NEB: variants seen among roughly 807,000 people sequenced by gnomAD.
The protein encoded by NEB is nebulin, also known as nemaline myopathy type 2.
NEB carries 512 observed loss-of-function variants against 952.2 expected under a neutral mutation model. The observed-to-expected ratio is 0.54, with a 90% CI of 0.50 to 0.58. The LOEUF (loss-of-function observed/expected upper bound fraction) is 0.58, where lower values mean the gene tolerates loss of function less well. NEB is among the 20% of genes least tolerant of loss of function. The probability of loss-of-function intolerance (pLI) is 0.00; values close to 1 mark genes in which losing one functional copy is unlikely to be tolerated. For synonymous variants in NEB, 2,900 were observed against 3,149.8 expected (o/e 0.92, Z 2.66); for missense variants, 8,428 against 9,231.1 (o/e 0.91, Z 3.56).
intron 46 of NEB, among the ~76,000 whole-genome samples, chr2:151,661,865 A>G (rs1203521166): frequency 2.6e-5 from 4 of 152,204 alleles, no homozygotes; most frequent in Non-Finnish European, 5.9e-5. Flanking sequence ...TTAGACAAAC[A>G]GGACTCATTT....
At chr2:151,549,542 G>A in intron 130 of NEB, 94 bp downstream of exon 130, 1 of 832,238 alleles carries the variant, frequency 1.2e-6, no homozygotes, top group South Asian at 1.5e-5. Context: ...GAACCTTGAG[G>A]GTGAGACTGG....
intron 17 of NEB, 99 bp downstream of exon 17, chr2:151,696,538 G>A: frequency 1.1e-6 from 1 of 888,658 alleles, no homozygotes; most frequent in Non-Finnish European, 1.8e-6. Flanking sequence ...TACTTACTTA[G>A]CCTTTTGAAT....
chr2:151,653,965 C>T, intron 52 of NEB, 27 bp downstream of exon 52: 3 of 1,464,330 alleles, frequency 2.0e-6, no homozygotes, highest in Non-Finnish European at 2.9e-6. Context: ...AAAAATATAG[C>T]CTTATAGAAC....
Position 151,648,956 on chromosome 2 carries a change from A to G in NEB, c.7431+1220T>C, listed in dbSNP as rs574438811. On this transcript the variant is annotated intron_variant, in intron 54 of 181. Transcript: ENST00000397345. ...GGCAGTCCTGAGGCCTGAGAGCTCC[A>G]TGTTTCAGCATTCCCCAAACTAGAG... Among the ~76,000 whole-genome samples, 4 of 152,266 alleles carry G rather than the reference A, an allele frequency of 2.6e-5. No homozygotes were observed. In the East Asian group the frequency reaches 5.8e-4, roughly 22 times the overall value.
intron 155 of NEB, 97 bp from the exon 156 acceptor site, chr2:151,518,519 C>G (rs1575906349): frequency 2.7e-6 from 2 of 750,498 alleles, no homozygotes; most frequent in East Asian, 4.9e-5. Context: ...GCACCATTGT[C>G]AAGATCAAAC....
At position 151,553,984 on chromosome 2, in the gene NEB, G is replaced by A. The variant is rs1214885585; in HGVS notation, c.19470C>T (p.Ile6490=). The change falls in exon 126 of 182, where the codon ATC becomes ATT. Residue 6490 remains isoleucine, a synonymous_variant. Transcript: ENST00000397345. ...RSVYEKNKMK[I]HIVPDMVEMV... is the part of the protein sequence containing the mutation. ...TCTCTACCATGTCGGGCACGATGTGGATTTTCATCTTGTTCTTTTCATAAA... is the reference window on the plus strand; with the variant it reads ...TCTCTACCATGTCGGGCACGATGTGAATTTTCATCTTGTTCTTTTCATAAA... 3 of 1,613,830 alleles carry A rather than the reference G, an allele frequency of 1.9e-6. No homozygotes were observed. Among genetic ancestry groups the A allele is most frequent in the South Asian group, 2.2e-5 (2 of 91,072 alleles).
In NEB at chr2:151,579,420, C is replaced by T. The variant is rs182029307; in HGVS notation, c.16622G>A (p.Arg5541His). 2,035 of 1,530,896 alleles carry T rather than the reference C, an allele frequency of 1.3e-3. 72 individuals are homozygous for T. The African/African-American group carries it at 0.024, about 18-fold the overall frequency. The allele number at this position is 1,530,896 out of a possible 1,614,324, so 94.8% of individuals were successfully genotyped here. Reference protein sequence around the residue: ...GQALASDVDYRHYLHRWSCFP... With the variant: ...GQALASDVDYHHYLHRWSCFP... Reference sequence around the variant, plus strand: ...GCAAGACCAGCGGTGCAGGTAATGGCGATAGTCCACATCACTTGCCAGTGC... The same window carrying T: ...GCAAGACCAGCGGTGCAGGTAATGGTGATAGTCCACATCACTTGCCAGTGC... Residue 5541 changes from arginine to histidine, a missense_variant, in exon 105 of 182, where the codon CGC becomes CAC. Physicochemically the swap from Arg to His is conservative, Grantham distance 29. Coordinates refer to ENST00000397345, the MANE Select transcript of NEB (RefSeq NM_001164508.2).
intron 12 of NEB, 21 bp downstream of exon 12, chr2:151,709,635 A>C: frequency 2.0e-6 from 3 of 1,536,156 alleles, no homozygotes; most frequent in Non-Finnish European, 2.7e-6. Context: ...CATCAAGATA[A>C]ATGGGATGAT....
intron 143 of NEB, among the ~76,000 whole-genome samples, chr2:151,532,428 A>G (rs2091792355): frequency 1.3e-5 from 2 of 152,222 alleles, no homozygotes; most frequent in South Asian, 4.1e-4. Flanking sequence ...ACAGGGATGT[A>G]AAATAAAGAA....
In NEB at chr2:151,664,671, T is replaced by C. The variant is rs1575554208; in HGVS notation, c.5344-63A>G. ...TTGGGGTTAGAATAGAGGTCCTGAC[T>C]ACAAAGTGGTTGGTATGTAGAATGC... On this transcript the variant is annotated intron_variant, in intron 43 of 181. Transcript: ENST00000397345. The C allele has an allele frequency of 5.9e-6, 9 of 1,531,290 alleles. No homozygotes were observed. The South Asian group carries it at 1.1e-4, about 18-fold the overall frequency. The allele number at this position is 1,531,290 out of a possible 1,614,324, so 94.9% of individuals were successfully genotyped here. A position where few individuals can be genotyped will look rare whatever the true frequency, so the allele number is the denominator to read the frequency against.
At chr2:151,487,383 T>G (rs2051629201) in intron 181 of NEB, among the ~76,000 whole-genome samples, 1 of 152,230 alleles carries the variant, frequency 6.6e-6, no homozygotes, top group Non-Finnish European at 1.5e-5. Context: ...CATTTTGAAA[T>G]TCACATGCAT....
At chr2:151,697,044 G>T in intron 16 of NEB, 104 bp downstream of exon 16, 1 of 829,480 alleles carries the variant, frequency 1.2e-6, no homozygotes, top group Non-Finnish European at 1.9e-6. Flanking sequence ...TCTTGCGATT[G>T]CCTGGCTTAC....
At position 151,679,969 on chromosome 2, in the gene NEB, T is replaced by C; in HGVS notation, c.3096A>G (p.Pro1032=). The part of the protein sequence containing the change: ...EEIIHKYNLP[P]DLPQFIQAKV... ...TAGCCTGGATGAACTGGGGCAGGTC[T>C]GGTGGCAGGTTGTATTTGTGAATAA... Residue 1032 remains proline, a synonymous_variant, in exon 31 of 182, where the codon CCA becomes CCG. Transcript: ENST00000397345. The C allele has an allele frequency of 6.2e-7, 1 of 1,613,846 alleles. No individual in the cohort carries two copies. The highest frequency in any genetic ancestry group is 8.5e-7 in the Non-Finnish European group (1 of 1,179,716).
chr2:151,514,373 AT>A lies in NEB; in HGVS notation c.23071del (p.Met7691TrpfsTer8). The stretch of plus-strand genomic sequence containing the variant: ...TCTTAGCATGTCAGGTGTATCTTCC[AT>A]TTCAGTGAGGCCCTTCCCACGGATG... ...ESIRGKGLTE[M>X]EDTPDMLRAK... On this transcript the variant is annotated frameshift_variant, in exon 159 of 182. Transcript: ENST00000397345. LOFTEE classifies it high-confidence loss of function. 1 of 1,613,808 alleles carries A rather than the reference AT, an allele frequency of 6.2e-7. No individual in the cohort carries two copies. The highest frequency in any genetic ancestry group is 8.5e-7 in the Non-Finnish European group (1 of 1,179,794).
At chr2:151,537,616 T>A (rs1271759789) in intron 140 of NEB, among the ~76,000 whole-genome samples, 3 of 152,316 alleles carry the variant, frequency 2.0e-5, no homozygotes, top group Admixed American at 6.5e-5. Context: ...ATTTCCTAGA[T>A]GATATATATC....
chr2:151,675,153 C>A, intron 35 of NEB, 134 bp downstream of exon 35: 1 of 725,072 alleles, frequency 1.4e-6, no homozygotes, highest in Non-Finnish European at 2.5e-6. Flanking sequence ...AAGAACCATC[C>A]TTATGGGATA....
chr2:151,508,064 T>C lies in NEB; in HGVS notation c.23392A>G (p.Thr7798Ala). The part of the protein sequence containing the change: ...DAEKSMSYYE[T>A]VLDTPEIQRV... ...TGTATCTCTGGGGTGTCCAAAACAG[T>C]CTCATAATACGACATGGACTTCTCA... is the stretch of plus-strand genomic sequence containing the variant. Residue 7798 changes from threonine to alanine, a missense_variant, in exon 162 of 182, where the codon ACT becomes GCT. Thr to Ala is a moderately conservative substitution (Grantham distance 58). Transcript: ENST00000397345. 6.2e-7 allele frequency: 1 copy of C among 1,611,170 alleles called. No individual in the cohort carries two copies. The highest frequency in any genetic ancestry group is 1.1e-5 in the South Asian group (1 of 90,350).
chr2:151,620,311 G>A (rs2098368524), intron 72 of NEB, among the ~76,000 whole-genome samples: 1 of 125,612 alleles, frequency 8.0e-6, no homozygotes, highest in East Asian at 2.4e-4. Flanking sequence ...AAATGGTTAA[G>A]ATGGTAAATT....
In NEB at chr2:151,568,301, G is replaced by A. The variant is rs750645150; in HGVS notation, c.17736+15C>T. On this transcript the variant is annotated intron_variant, in intron 112 of 181. Coordinates refer to ENST00000397345, the MANE Select transcript of NEB (RefSeq NM_001164508.2). ...ACTCGTACACAAACACCAGGCATGT[G>A]GGTGAAACCCATACCTGGTCCAGTA... The A allele has an allele frequency of 1.2e-6, 2 of 1,610,616 alleles. No homozygotes were observed. Among genetic ancestry groups the A allele is most frequent in the South Asian group, 1.1e-5 (1 of 90,966 alleles).
Sources: allele counts gnomAD v4.1 joint callset (sites outside exome capture counted in the v4.1 genomes callset), GRCh38; gene constraint gnomAD v4.1.1; transcripts MANE v1.5; gene names NCBI Gene and HGNC (gene_info 2026-07-23, HGNC 2026-07-21).